The following GNAI1 variants were observed in gnomAD, a reference collection of about 807,000 sequenced individuals.
The protein encoded by GNAI1 is guanine nucleotide-binding protein G(i) subunit alpha-1.
Under a neutral mutation model 38.9 loss-of-function variants are expected in GNAI1, and 11 were observed. The observed-to-expected ratio is 0.28, with a 90% CI of 0.18 to 0.47. The LOEUF (loss-of-function observed/expected upper bound fraction) is 0.47, where lower values mean the gene tolerates loss of function less well. Among genes scored for constraint, GNAI1 ranks in the 20% least tolerant of loss-of-function variants. The pLI is 0.99. For synonymous variants in GNAI1, 166 were observed against 145.1 expected (o/e 1.14, Z -1.04); for missense variants, 317 against 436.9 (o/e 0.73, Z 2.45).
chr7:80,180,817 A>G (rs1253885042), intron 1 of GNAI1, among the ~76,000 whole-genome samples: 1 of 152,082 alleles, frequency 6.6e-6, no homozygotes, highest in Non-Finnish European at 1.5e-5. Context: ...AAGATAAATT[A>G]TATGTTCTCC....
chr7:80,210,738 T>G (rs1041680381), intron 5 of GNAI1, among the ~76,000 whole-genome samples: 4 of 151,440 alleles, frequency 2.6e-5, no homozygotes, highest in Non-Finnish European at 5.9e-5. Flanking sequence ...GCTTTTTTTT[T>G]TTTTTTTAGA....
In GNAI1 at chr7:80,220,825, A is replaced by T. The variant is rs189088626; in HGVS notation, c.*3332A>T. On this transcript the variant is annotated 3_prime_UTR_variant, in exon 8 of 8. Coordinates refer to ENST00000649796, the MANE Select transcript of GNAI1 (RefSeq NM_002069.6). Reference sequence around the variant, plus strand: ...CCATGTCTGTCAGAGGACCCCAAAGATGCTACCTTATTTCCAGAAAATGTG... The same window carrying T: ...CCATGTCTGTCAGAGGACCCCAAAGTTGCTACCTTATTTCCAGAAAATGTG... Among the ~76,000 whole-genome samples the T allele has an allele frequency of 1.3e-5, 2 of 152,288 alleles. No individual in the cohort carries two copies. Among genetic ancestry groups the T allele is most frequent in the East Asian group, 3.9e-4 (2 of 5,186 alleles).
intron 5 of GNAI1, among the ~76,000 whole-genome samples, chr7:80,204,219 A>G (rs1457903090): frequency 1.3e-5 from 2 of 152,116 alleles, no homozygotes; most frequent in Non-Finnish European, 2.9e-5. Context: ...TTATTTATGG[A>G]AATATTAAGA....
At chr7:80,183,797 C>T (rs1343069042) in intron 1 of GNAI1, among the ~76,000 whole-genome samples, 2 of 152,162 alleles carry the variant, frequency 1.3e-5, no homozygotes, top group East Asian at 1.9e-4. Context: ...ACATAACTCT[C>T]TTAAAGGAAT....
Position 80,201,914 on chromosome 7 carries a change from C to T in GNAI1, c.462-1790C>T, listed in dbSNP as rs188680850. Among the ~76,000 whole-genome samples, 189 of 152,224 alleles carry T rather than the reference C, an allele frequency of 1.2e-3. 3 individuals are homozygous for T. Among genetic ancestry groups the T allele is most frequent in the Admixed American group, 9.8e-3 (149 of 15,274 alleles). ...ATCTATGAGTTCTTGACTGGGGATG[C>T]TAAGATGCAGTCAAGTTGCCCATTA... On this transcript the variant is annotated intron_variant, in intron 4 of 7. Coordinates refer to ENST00000649796, the MANE Select transcript of GNAI1 (RefSeq NM_002069.6).
At chr7:80,193,348 C>T (rs542118477) in intron 3 of GNAI1, among the ~76,000 whole-genome samples, 2 of 152,248 alleles carry the variant, frequency 1.3e-5, no homozygotes, top group Admixed American at 6.5e-5. Flanking sequence ...GACTAATTTT[C>T]TGTGGTTTGC....
At chr7:80,206,485 T>G (rs532796187) in intron 5 of GNAI1, among the ~76,000 whole-genome samples, 1 of 152,218 alleles carries the variant, frequency 6.6e-6, no homozygotes, top group East Asian at 1.9e-4. Context: ...TTTCAAGTAA[T>G]CAGATATGTC....
At position 80,176,893 on chromosome 7, in the gene GNAI1, C is replaced by T. The variant is rs529398469; in HGVS notation, c.119-12058C>T. On this transcript the variant is annotated intron_variant, in intron 1 of 7. Coordinates refer to ENST00000649796, the MANE Select transcript of GNAI1 (RefSeq NM_002069.6). Reference sequence around the variant, plus strand: ...CTGAGGCTGCAGTGAGCTGAGATCACGCCACCGCACTCTAGCCTGGGCGAC... The same window carrying T: ...CTGAGGCTGCAGTGAGCTGAGATCATGCCACCGCACTCTAGCCTGGGCGAC... Among the ~76,000 whole-genome samples the T allele has an allele frequency of 5.0e-5, 7 of 141,186 alleles. No homozygotes were observed. The South Asian group carries it at 6.9e-4, about 14-fold the overall frequency. The allele number at this position is 141,186 out of a possible 152,430, so 92.6% of individuals were successfully genotyped here.
At chr7:80,198,420 C>T (rs1788620376) in intron 3 of GNAI1, among the ~76,000 whole-genome samples, 1 of 152,126 alleles carries the variant, frequency 6.6e-6, no homozygotes, top group East Asian at 1.9e-4. Flanking sequence ...TCTTGGTCCA[C>T]ACACTGATTT....
Position 80,135,020 on chromosome 7 carries a change from C to T in GNAI1, c.-141C>T, listed in dbSNP as rs933809655. 4.2e-5 allele frequency: 19 copies of T among 455,364 alleles called. No homozygotes were observed. In the South Asian group the frequency reaches 9.2e-4, roughly 22 times the overall value. The allele number at this position is 455,364 out of a possible 1,614,324, so 28.2% of individuals were successfully genotyped here. On this transcript the variant is annotated 5_prime_UTR_variant, in exon 1 of 8. Transcript: ENST00000649796. ...TTTGCGGACAGCGTCTCCCTCGACT[C>T]CGCTTAGGAAGTGGTGGGGGCGGCG...
chr7:80,197,988 CACCCAGT>C (rs1488240126), intron 3 of GNAI1, among the ~76,000 whole-genome samples: 25 of 152,006 alleles, frequency 1.6e-4, no homozygotes, highest in Non-Finnish European at 3.2e-4. Flanking sequence ...AGGAATTGTC[CACCCAGT>C]TATCTTAAAG....
chr7:80,141,475 G>A (rs1787524433), intron 1 of GNAI1, among the ~76,000 whole-genome samples: 1 of 152,130 alleles, frequency 6.6e-6, no homozygotes, highest in Non-Finnish European at 1.5e-5. Flanking sequence ...AAAGAAAAAA[G>A]GAGTCTCTAG....
intron 5 of GNAI1, among the ~76,000 whole-genome samples, chr7:80,209,803 T>C (rs573817922): frequency 6.6e-6 from 1 of 152,348 alleles, no homozygotes; most frequent in East Asian, 1.9e-4. Context: ...CTGTCATTTA[T>C]TTTGTTCTTG....
At chr7:80,163,149 C>A (rs930436089) in intron 1 of GNAI1, among the ~76,000 whole-genome samples, 2 of 152,098 alleles carry the variant, frequency 1.3e-5, no homozygotes, top group Non-Finnish European at 2.9e-5. Flanking sequence ...TGTCAGTTCT[C>A]TTTTATATAG....
intron 1 of GNAI1, among the ~76,000 whole-genome samples, chr7:80,158,007 C>T (rs1740212027): frequency 6.6e-6 from 1 of 152,148 alleles, no homozygotes; most frequent in South Asian, 2.1e-4. Flanking sequence ...CCACACCCGG[C>T]CCTGAAGAAT....
chr7:80,181,105 T>A (rs970366649), intron 1 of GNAI1, among the ~76,000 whole-genome samples: 15 of 151,714 alleles, frequency 9.9e-5, no homozygotes, highest in Admixed American at 3.9e-4. Context: ...TTGTAAGTTT[T>A]TATATATATA....
At chr7:80,150,685 T>G (rs910295169) in intron 1 of GNAI1, among the ~76,000 whole-genome samples, 2 of 152,226 alleles carry the variant, frequency 1.3e-5, no homozygotes, top group African/African-American at 4.8e-5. Context: ...GTTTATTATC[T>G]TATTTTCTAG....
chr7:80,142,729 A>G (rs1406663173), intron 1 of GNAI1, among the ~76,000 whole-genome samples: 1 of 152,200 alleles, frequency 6.6e-6, no homozygotes, highest in African/African-American at 2.4e-5. Context: ...TTTTAGCCCA[A>G]TATATATCTT....
intron 5 of GNAI1, among the ~76,000 whole-genome samples, 172 bp from the exon 6 acceptor site, chr7:80,210,797 C>T (rs1348014534): frequency 6.6e-6 from 1 of 150,812 alleles, no homozygotes; most frequent in African/African-American, 2.4e-5. Context: ...GGTTTTTTTC[C>T]CCTTTTGAGA....
Sources: gnomAD v4.1 joint callset for allele counts (sites outside exome capture counted in the v4.1 genomes callset) on GRCh38, gnomAD v4.1.1 for gene constraint, MANE v1.5 for transcripts, NCBI Gene and HGNC (gene_info 2026-07-23, HGNC 2026-07-21) for gene names.